The following AIG1 variants were observed in gnomAD, a reference collection of about 807,000 sequenced individuals.
The protein encoded by AIG1 is androgen induced 1, also known as androgen-induced gene 1 protein.
A neutral mutation model predicts 31.4 loss-of-function variants in AIG1; 23 were observed. That is an observed-to-expected ratio of 0.73 (90% CI 0.53 to 1.04). The LOEUF is 1.04. AIG1 is among the 50% of genes least tolerant of loss of function. The pLI, the probability that AIG1 is intolerant of heterozygous loss-of-function variation, is 0.00. For missense variants in AIG1, 274 were observed against 295.0 expected (o/e 0.93, Z 0.52); for synonymous variants, 100 against 110.5 (o/e 0.90, Z 0.60).
At chr6:143,211,298 G>A (rs539427972) in intron 3 of AIG1, among the ~76,000 whole-genome samples, 3 of 152,200 alleles carry the variant, frequency 2.0e-5, no homozygotes, top group South Asian at 2.1e-4. Flanking sequence ...AGATCCAGTC[G>A]TTTGCTGTGG....
intron 2 of AIG1, among the ~76,000 whole-genome samples, chr6:143,163,817 C>T (rs1786654267): frequency 6.6e-6 from 1 of 152,132 alleles, no homozygotes; most frequent in Non-Finnish European, 1.5e-5. Flanking sequence ...CCCTGTCTTT[C>T]TATCTCCTTT....
chr6:143,171,515 A>AATAT (rs1226051188), intron 3 of AIG1, among the ~76,000 whole-genome samples: 4 of 128,650 alleles, frequency 3.1e-5, no homozygotes, highest in Non-Finnish European at 6.3e-5. Flanking sequence ...TAATATATAT[A>AATAT]ATATATATAT....
Position 143,293,836 on chromosome 6 carries a change from C to T in AIG1, c.515+9611C>T, listed in dbSNP as rs1005692882. Among the ~76,000 whole-genome samples the T allele has an allele frequency of 6.6e-6, 1 of 152,088 alleles. No homozygotes were observed. Among genetic ancestry groups the T allele is most frequent in the South Asian group, 2.1e-4 (1 of 4,830 alleles). On this transcript the variant is annotated intron_variant, in intron 4 of 5. Transcript: ENST00000357847. This position sits in a 1 kb window ranked among gnomAD's most constrained non-coding sequence, Gnocchi z 4.8. ...ACTGCTTCTTTTCCCCATAGTCTGC[C>T]CAAATCACCAGTGTGATGCTGCTTG...
At chr6:143,084,411 G>A (rs62429606) in intron 1 of AIG1, among the ~76,000 whole-genome samples, 32 of 152,196 alleles carry the variant, frequency 2.1e-4, no homozygotes, top group African/African-American at 3.4e-4. Context: ...GATTTGCCCA[G>A]CCTTTCCCTG....
chr6:143,130,912 C>CCCTCTGTGTGTTGTT (rs1411508557), intron 1 of AIG1, among the ~76,000 whole-genome samples: 4 of 152,068 alleles, frequency 2.6e-5, no homozygotes, highest in Admixed American at 6.5e-5. Flanking sequence ...TGTGTTGTTC[C>CCCTCTGTGTGTTGTT]CCTCTCTGTG....
intron 1 of AIG1, among the ~76,000 whole-genome samples, chr6:143,090,390 T>C (rs1423696668): frequency 1.3e-5 from 2 of 152,212 alleles, no homozygotes; most frequent in Non-Finnish European, 2.9e-5. Flanking sequence ...GAAAATTCAT[T>C]ATAATATCAA....
At position 143,327,837 on chromosome 6, in the gene AIG1, A is replaced by G. The variant is rs1175646234; in HGVS notation, c.516-5445A>G. 2.0e-5 allele frequency among the ~76,000 whole-genome samples: 3 copies of G among 152,172 alleles called. No individual in the cohort carries two copies. The highest frequency in any genetic ancestry group is 4.4e-5 in the Non-Finnish European group (3 of 68,032). ...AATAAGAAATACTGGAGGTTTGGGG[A>G]GAAAGAACATGATTTTGTCTTTAGA... On this transcript the variant is annotated intron_variant, in intron 4 of 5. Transcript: ENST00000357847. The surrounding 1 kb of genome is among the most constrained non-coding windows in gnomAD (Gnocchi z 5.3).
intron 1 of AIG1, among the ~76,000 whole-genome samples, chr6:143,094,836 C>T (rs560588889): frequency 1.3e-5 from 2 of 151,798 alleles, no homozygotes; most frequent in South Asian, 4.1e-4. Context: ...GAAAGAACAC[C>T]AGTGAAAATT....
intron 3 of AIG1, among the ~76,000 whole-genome samples, chr6:143,250,656 A>G (rs542763743): frequency 7.3e-4 from 111 of 152,248 alleles, no homozygotes; most frequent in Non-Finnish European, 1.4e-3. Context: ...CAGGATGACC[A>G]CAGAGACAGA....
At chr6:143,190,341 C>G in intron 3 of AIG1, 1 of 985,458 alleles carries the variant, frequency 1.0e-6, no homozygotes, top group Non-Finnish European at 1.2e-6. Flanking sequence ...ATGCTTGAGG[C>G]TCCTCATGCC....
intron 1 of AIG1, among the ~76,000 whole-genome samples, chr6:143,070,720 T>G (rs1441121337): frequency 3.3e-5 from 5 of 152,218 alleles, no homozygotes; most frequent in Admixed American, 6.5e-5. Flanking sequence ...CCTGTGATAA[T>G]CTGTTAACAC....
intron 3 of AIG1, among the ~76,000 whole-genome samples, chr6:143,263,098 C>T (rs570511816): frequency 1.3e-5 from 2 of 152,204 alleles, no homozygotes; most frequent in East Asian, 1.9e-4. Flanking sequence ...AAGGAAGATC[C>T]GATTAGTACA....
chr6:143,337,494 C>CGG (rs564406046), intron 5 of AIG1, among the ~76,000 whole-genome samples: 1 of 150,310 alleles, frequency 6.7e-6, no homozygotes, highest in Non-Finnish European at 1.5e-5. Flanking sequence ...GGGTGGAGCG[C>CGG]GGGGGGGGAC....
intron 4 of AIG1, among the ~76,000 whole-genome samples, chr6:143,316,033 A>G (rs1775716094): frequency 6.6e-6 from 1 of 152,232 alleles, no homozygotes; most frequent in African/African-American, 2.4e-5. Flanking sequence ...TTGTTAAGAC[A>G]TAGGGGTATA....
In AIG1 at chr6:143,093,869, A is replaced by C. The variant is rs62429607; in HGVS notation, c.141+32803A>C. ...AACACACACAACATGTATGGATTGC[A>C]CTTGCCATCTTCTATGGGTGAGGTT... On this transcript the variant is annotated intron_variant, in intron 1 of 5. Coordinates refer to ENST00000357847, the MANE Select transcript of AIG1 (RefSeq NM_016108.4). Among the ~76,000 whole-genome samples, 1,203 of 152,294 alleles carry C rather than the reference A, an allele frequency of 7.9e-3. 5 individuals are homozygous for C. Among genetic ancestry groups the C allele is most frequent in the Non-Finnish European group, 0.013 (878 of 68,006 alleles).
At chr6:143,316,570 A>AT (rs1299303579) in intron 4 of AIG1, among the ~76,000 whole-genome samples, 2 of 152,044 alleles carry the variant, frequency 1.3e-5, no homozygotes, top group Non-Finnish European at 2.9e-5. Context: ...CAAAGAGACA[A>AT]TCTAAGACCA....
intron 1 of AIG1, among the ~76,000 whole-genome samples, chr6:143,107,762 A>G (rs1490522765): frequency 6.6e-6 from 1 of 152,202 alleles, no homozygotes; most frequent in Non-Finnish European, 1.5e-5. Context: ...GTTATAAGTC[A>G]TTTCTGAAAG....
At chr6:143,060,570 T>C, upstream of AIG1, 1 of 375,838 alleles carries the variant, frequency 2.7e-6, no homozygotes, top group South Asian at 1.8e-5. Context: ...CACTCAGAGG[T>C]CGCATCCACA....
intron 3 of AIG1, among the ~76,000 whole-genome samples, chr6:143,247,384 C>T (rs1171572443): frequency 2.0e-5 from 3 of 152,238 alleles, no homozygotes; most frequent in African/African-American, 7.2e-5. Flanking sequence ...CCCGCCTCAG[C>T]CTCCCAAAGT....
Sources: gnomAD v4.1 joint callset for allele counts (sites outside exome capture counted in the v4.1 genomes callset) on GRCh38, gnomAD v4.1.1 for gene constraint, Gnocchi (gnomAD v3.1) non-coding constraint, MANE v1.5 for transcripts, NCBI Gene and HGNC (gene_info 2026-07-23, HGNC 2026-07-21) for gene names.